Variants in PATJ observed in about 807,000 individuals in gnomAD.
PATJ encodes the protein inaD-like protein.
PATJ carries 190 observed loss-of-function variants against 224.9 expected under a neutral mutation model. That is an observed-to-expected ratio of 0.84 (90% confidence interval 0.75 to 0.95). The LOEUF (loss-of-function observed/expected upper bound fraction) is 0.95. Among genes scored for constraint, PATJ ranks in the 40% least tolerant of loss-of-function variants. The probability of loss-of-function intolerance (pLI) is 0.00; values close to 1 mark genes in which losing one functional copy is unlikely to be tolerated. For missense variants in PATJ, 2,121 were observed against 2,270.3 expected, an observed-to-expected ratio of 0.93 and a Z score of 1.34; for synonymous variants, 769 against 820.3, an observed-to-expected ratio of 0.94 and a Z score of 1.07.
intron 20 of PATJ, 75 bp downstream of exon 20, chr1:61,864,708 C>A: frequency 7.5e-7 from 1 of 1,333,428 alleles, no homozygotes; most frequent in South Asian, 1.4e-5. Flanking sequence ...ACTCATGTCA[C>A]TTCAATGTTG....
rs1646060937 is a variant in PATJ at position 61,763,149 on chromosome 1, TCAG to T, written c.163_165del (p.Gln55del). 6.3e-7 allele frequency: 1 copy of T among 1,597,628 alleles called. No homozygotes were observed. The highest frequency in any genetic ancestry group is 8.5e-7 in the Non-Finnish European group (1 of 1,172,538). On this transcript the variant is annotated inframe_deletion, in exon 3 of 44. Transcript: ENST00000642238. ...CTCTCTTCAACCAGATACTCACACTTCAGCAGTCCATCAAGCAACTGAAGGGTC... is the reference window on the plus strand; with the variant it reads ...CTCTCTTCAACCAGATACTCACACTTCAGTCCATCAAGCAACTGAAGGGTC...
intron 31 of PATJ, among the ~76,000 whole-genome samples, chr1:62,070,023 C>T (rs892894787): frequency 2.6e-5 from 4 of 152,158 alleles, no homozygotes; most frequent in African/African-American, 9.7e-5. Flanking sequence ...AAGAATAAAA[C>T]CAAATTAGTA....
At chr1:62,001,771 A>G (rs66958317) in intron 28 of PATJ, among the ~76,000 whole-genome samples, 26,932 of 150,810 alleles carry the variant, frequency 0.18, 2,487 homozygotes, top group Non-Finnish European at 0.21. Flanking sequence ...AAATTACCTT[A>G]GGCAGTATGG....
rs193079104 is a variant in PATJ, at chr1:62,036,263, G to A, written c.3960-1714G>A. Among the ~76,000 whole-genome samples, 502 of 152,228 alleles carry A rather than the reference G, an allele frequency of 3.3e-3. 6 individuals carry two copies. Among genetic ancestry groups the A allele is most frequent in the Non-Finnish European group, 3.7e-3 (250 of 68,024 alleles). ...TTACATGCCGGTGAGAAATGATGAT[G>A]GCTTATAGATAGGATAGGATGGAAA... is the stretch of plus-strand genomic sequence containing the variant. On this transcript the variant is annotated intron_variant, in intron 29 of 43. Coordinates refer to ENST00000642238, the MANE Select transcript of PATJ (RefSeq NM_001350145.3).
chr1:61,795,099 TAAAAAAAA>T lies in PATJ; in HGVS notation c.1169-352_1169-345del, dbSNP rs78496504. On this transcript the variant is annotated intron_variant, in intron 9 of 43. Transcript: ENST00000642238. ...TAGGAGACTCTTGTCATAGTGATGG[TAAAAAAAA>T]AAAAAAAAAAAAAAAGAAGTTTTAT... Among the ~76,000 whole-genome samples the T allele has an allele frequency of 3.2e-3, 326 of 101,198 alleles. 2 individuals carry two copies. The highest frequency in any genetic ancestry group is 0.012 in the African/African-American group (299 of 25,638). The allele number at this position is 101,198 out of a possible 152,430, so 66.4% of individuals were successfully genotyped here.
chr1:61,888,797 A>G (rs1669216611), intron 22 of PATJ, among the ~76,000 whole-genome samples: 1 of 152,230 alleles, frequency 6.6e-6, no homozygotes, highest in African/African-American at 2.4e-5. Context: ...GAGGGAAGAT[A>G]TACTTTGTTC....
At chr1:62,085,204 A>T (rs1659804991) in intron 33 of PATJ, among the ~76,000 whole-genome samples, 1 of 151,832 alleles carries the variant, frequency 6.6e-6, no homozygotes, top group Non-Finnish European at 1.5e-5. Context: ...AGAGGCTGCA[A>T]TGAGCTGAGA....
chr1:61,847,285 G>C (rs972911433), intron 17 of PATJ, among the ~76,000 whole-genome samples: 1 of 152,194 alleles, frequency 6.6e-6, no homozygotes. Context: ...GTATGTGCAA[G>C]CTTATGTACT....
At chr1:61,825,602 A>G (rs1658102971) in intron 15 of PATJ, among the ~76,000 whole-genome samples, 1 of 152,154 alleles carries the variant, frequency 6.6e-6, no homozygotes, top group Admixed American at 6.5e-5. Context: ...CTCAGCCCAG[A>G]ACAGCTATTT....
intron 10 of PATJ, among the ~76,000 whole-genome samples, chr1:61,796,722 C>T (rs139482413): frequency 0.12 from 3,537 of 30,126 alleles, 24 homozygotes; most frequent in South Asian, 0.16. Flanking sequence ...TTCTTTCTTT[C>T]TTTTTCTTTC....
intron 26 of PATJ, among the ~76,000 whole-genome samples, chr1:61,922,820 T>C (rs1015753073): frequency 2.0e-5 from 3 of 152,264 alleles, no homozygotes; most frequent in Non-Finnish European, 4.4e-5. Context: ...GTGAACCAGT[T>C]ACTGTGCAAC....
rs185786064 is a variant in PATJ, at chr1:62,052,685, C to T, written c.4125+1627C>T. ...TGAACCCAGGGGGAGGCAGAGGTTG[C>T]GGTGAGCCAAGATCACGCCATTGCA... is the stretch of plus-strand genomic sequence containing the variant. On this transcript the variant is annotated intron_variant, in intron 31 of 43. Transcript: ENST00000642238. Among the ~76,000 whole-genome samples the T allele has an allele frequency of 3.3e-5, 5 of 151,188 alleles. No homozygotes were observed. In the East Asian group the frequency reaches 5.8e-4, roughly 18 times the overall value.
At chr1:61,781,273 A>T (rs1459261341) in intron 7 of PATJ, among the ~76,000 whole-genome samples, 1 of 152,142 alleles carries the variant, frequency 6.6e-6, no homozygotes, top group Non-Finnish European at 1.5e-5. Flanking sequence ...GGAACAAGAG[A>T]GCTATTATCT....
At chr1:62,150,299 C>CA (rs1399225108) in intron 42 of PATJ, among the ~76,000 whole-genome samples, 3 of 152,096 alleles carry the variant, frequency 2.0e-5, no homozygotes, top group African/African-American at 7.2e-5. Flanking sequence ...CCTGAGGACT[C>CA]AAACTTAGAA....
chr1:62,137,923 C>G (rs1667119928), intron 41 of PATJ, among the ~76,000 whole-genome samples: 1 of 151,992 alleles, frequency 6.6e-6, no homozygotes, highest in South Asian at 2.1e-4. Flanking sequence ...GGGGGATTTT[C>G]TCCACCTCTT....
intron 28 of PATJ, among the ~76,000 whole-genome samples, chr1:62,001,330 G>A (rs368969286): frequency 0.12 from 17,378 of 141,818 alleles, 1,377 homozygotes; most frequent in Non-Finnish European, 0.17. Flanking sequence ...TAGGTCTAAC[G>A]TTTAAGTCTT....
At chr1:61,848,287 C>T (rs1043537218) in intron 17 of PATJ, among the ~76,000 whole-genome samples, 4 of 152,224 alleles carry the variant, frequency 2.6e-5, no homozygotes, top group African/African-American at 9.6e-5. Context: ...CCACACTCAT[C>T]TTAACACTAA....
intron 27 of PATJ, among the ~76,000 whole-genome samples, chr1:61,959,425 A>ATTTTTTTCTTTT (rs1557944867): frequency 1.6e-5 from 1 of 61,150 alleles, no homozygotes; most frequent in African/African-American, 6.7e-5. Context: ...TATATAATAT[A>ATTTTTTTCTTTT]TTTTTTTTCT....
At chr1:61,965,848 C>T (rs1327400401) in intron 27 of PATJ, among the ~76,000 whole-genome samples, 3 of 152,188 alleles carry the variant, frequency 2.0e-5, no homozygotes, top group African/African-American at 7.2e-5. Context: ...ATCCAGGTTC[C>T]ACAGGAACAC....
Sources: gnomAD v4.1 joint callset for allele counts (sites outside exome capture counted in the v4.1 genomes callset) on GRCh38, gnomAD v4.1.1 for gene constraint, MANE v1.5 for transcripts, NCBI Gene and HGNC (gene_info 2026-07-23, HGNC 2026-07-21) for gene names.